The following GARRE1 variants were observed in gnomAD, a reference collection of about 807,000 sequenced individuals.
GARRE1 encodes granule associated Rac and RHOG effector 1.
A neutral mutation model predicts 103.2 loss-of-function variants in GARRE1; 49 were observed. The observed-to-expected ratio is 0.47, with a 90% CI of 0.38 to 0.60. The LOEUF is 0.60. Ranked by LOEUF, GARRE1 falls within the 20% of genes least tolerant of loss-of-function variation. The pLI, the probability that GARRE1 is intolerant of heterozygous loss-of-function variation, is 0.00. For missense variants in GARRE1, 1,199 were observed against 1,370.5 expected (o/e 0.87, Z 1.98); for synonymous variants, 505 against 532.8 (o/e 0.95, Z 0.72).
intron 1 of GARRE1, among the ~76,000 whole-genome samples, chr19:34,276,055 T>G (rs779222851): frequency 3.9e-5 from 6 of 152,192 alleles, no homozygotes; most frequent in Non-Finnish European, 5.9e-5. Context: ...TTGTTTTTTT[T>G]TCTTTAGAGA....
intron 12 of GARRE1, 22 bp downstream of exon 12, chr19:34,349,175 A>G: frequency 2.5e-6 from 4 of 1,610,052 alleles, no homozygotes; most frequent in Non-Finnish European, 1.7e-6. Flanking sequence ...TTTCTAAACC[A>G]AGGTGGGGAG....
intron 1 of GARRE1, among the ~76,000 whole-genome samples, chr19:34,266,679 T>A (rs2073753641): frequency 6.6e-6 from 1 of 152,164 alleles, no homozygotes. Flanking sequence ...GAAGGTTTGC[T>A]GGGTATGCAA....
chr19:34,307,744 AC>A (rs2074016137), intron 2 of GARRE1, among the ~76,000 whole-genome samples: 1 of 139,676 alleles, frequency 7.2e-6, no homozygotes, highest in East Asian at 2.0e-4. Context: ...ACTTATATAT[AC>A]TATATATACA....
chr19:34,354,211 T>G lies in GARRE1; in HGVS notation c.*1256T>G, dbSNP rs1471466901. 1 of 152,370 alleles carries G rather than the reference T, an allele frequency of 6.6e-6. No individual in the cohort carries two copies. Among genetic ancestry groups the G allele is most frequent in the African/African-American group, 2.4e-5 (1 of 41,458 alleles). The allele number at this position is 152,370 out of a possible 1,614,324, so 9.4% of individuals were successfully genotyped here. A position where few individuals can be genotyped will look rare whatever the true frequency, so the allele number is the denominator to read the frequency against. Reference sequence around the variant, plus strand: ...TTCTGGTATGAAAGTTTGACAGTATTAATATTTTTTTTATATTTTCTTAAA... The same window carrying G: ...TTCTGGTATGAAAGTTTGACAGTATGAATATTTTTTTTATATTTTCTTAAA... On this transcript the variant is annotated 3_prime_UTR_variant, in exon 14 of 14. Coordinates refer to ENST00000299505, the MANE Select transcript of GARRE1 (RefSeq NM_014686.5).
At chr19:34,348,126 G>C in intron 11 of GARRE1, 84 bp downstream of exon 11, 1 of 1,200,174 alleles carries the variant, frequency 8.3e-7, no homozygotes, top group Non-Finnish European at 1.1e-6. Context: ...CTCCTTGCCT[G>C]TGTGCATTCT....
chr19:34,308,270 G>T (rs2145249340), intron 2 of GARRE1, among the ~76,000 whole-genome samples: 1 of 141,626 alleles, frequency 7.1e-6, no homozygotes, highest in South Asian at 2.2e-4. Flanking sequence ...TGCCCTAAAG[G>T]TAAAAGTAAG....
In GARRE1 at chr19:34,337,425, A is replaced by T. The variant is rs141865094; in HGVS notation, c.1362-2442A>T. On this transcript the variant is annotated intron_variant, in intron 8 of 13. Transcript: ENST00000299505. ...TTCGGGGGAGACTTTTAGACGAGTCAGTCTGGAAGAGGGTCTGAGGATGTG... is the reference window on the plus strand; with the variant it reads ...TTCGGGGGAGACTTTTAGACGAGTCTGTCTGGAAGAGGGTCTGAGGATGTG... Among the ~76,000 whole-genome samples, 66 of 152,304 alleles carry T rather than the reference A, an allele frequency of 4.3e-4. No individual in the cohort carries two copies. The East Asian group carries it at 0.011, about 26-fold the overall frequency.
At chr19:34,282,220 C>T (rs1240233306) in intron 1 of GARRE1, among the ~76,000 whole-genome samples, 8 of 149,610 alleles carry the variant, frequency 5.3e-5, no homozygotes, top group Non-Finnish European at 7.5e-5. Context: ...AGTGCGATCT[C>T]GGCTCACTGC....
At chr19:34,309,645 A>G (rs1188773775) in intron 2 of GARRE1, among the ~76,000 whole-genome samples, 2 of 152,064 alleles carry the variant, frequency 1.3e-5, no homozygotes, top group Non-Finnish European at 2.9e-5. Context: ...TGGCCATAGG[A>G]TTGAAGTGTT....
At position 34,354,191 on chromosome 19, in the gene GARRE1, G is replaced by A. The variant is rs2074257048; in HGVS notation, c.*1236G>A. 1 of 152,124 alleles carries A rather than the reference G, an allele frequency of 6.6e-6. No individual in the cohort carries two copies. The highest frequency in any genetic ancestry group is 1.5e-5 in the Non-Finnish European group (1 of 67,970). The allele number at this position is 152,124 out of a possible 1,614,324, so 9.4% of individuals were successfully genotyped here. A position where few individuals can be genotyped will look rare whatever the true frequency, so the allele number is the denominator to read the frequency against. On this transcript the variant is annotated 3_prime_UTR_variant, in exon 14 of 14. Transcript: ENST00000299505. ...TGAGAAAAATCCATAATATTTTCTG[G>A]TATGAAAGTTTGACAGTATTAATAT...
chr19:34,259,202 T>C (rs1467708690), intron 1 of GARRE1, among the ~76,000 whole-genome samples: 1 of 152,170 alleles, frequency 6.6e-6, no homozygotes, highest in Non-Finnish European at 1.5e-5. Flanking sequence ...TAAATAAATA[T>C]CACTTATCAA....
At chr19:34,352,380 C>T (rs949515412) in intron 13 of GARRE1, among the ~76,000 whole-genome samples, 6 of 146,612 alleles carry the variant, frequency 4.1e-5, no homozygotes, top group African/African-American at 1.3e-4. Context: ...CCAGCCTGGG[C>T]GAGAGACAGA....
At chr19:34,314,474 T>G (rs2074051150) in intron 2 of GARRE1, among the ~76,000 whole-genome samples, 1 of 152,192 alleles carries the variant, frequency 6.6e-6, no homozygotes. Context: ...CCCCCTGATT[T>G]ATTGATGGTG....
chr19:34,327,559 C>A lies in GARRE1; in HGVS notation c.844C>A (p.Gln282Lys), dbSNP rs1296693242. Reference sequence around the variant, plus strand: ...GAACATAAAAATCGACAGTGCTTTGCAAGTAAGTTTTTCAGAACTGACATA... The same window carrying A: ...GAACATAAAAATCGACAGTGCTTTGAAAGTAAGTTTTTCAGAACTGACATA... ...ELNIKIDSAL[Q>K]AYKIALESLG... is the part of the protein sequence containing the mutation. Residue 282 changes from glutamine (Q) to lysine (K), a missense_variant and splice_region_variant, in exon 4 of 14, where the codon CAA (glutamine) becomes AAA (lysine). Coordinates refer to ENST00000299505, the MANE Select transcript of GARRE1 (RefSeq NM_014686.5). 1 of 1,613,480 alleles carries A rather than the reference C, an allele frequency of 6.2e-7. No homozygotes were observed. Among genetic ancestry groups the A allele is most frequent in the Non-Finnish European group, 8.5e-7 (1 of 1,179,850 alleles).
At chr19:34,347,446 C>T (rs1032668147) in intron 10 of GARRE1, among the ~76,000 whole-genome samples, 26 of 152,174 alleles carry the variant, frequency 1.7e-4, no homozygotes, top group Non-Finnish European at 2.9e-4. Flanking sequence ...AGGCTAGTCT[C>T]GAACTTCTGG....
chr19:34,304,941 G>A (rs1024170256), intron 2 of GARRE1, among the ~76,000 whole-genome samples: 9 of 151,852 alleles, frequency 5.9e-5, no homozygotes, highest in South Asian at 2.1e-4. Flanking sequence ...GCAGGCGCCC[G>A]CCACCACGCC....
chr19:34,334,674 G>A (rs1346707269), intron 8 of GARRE1, among the ~76,000 whole-genome samples: 1 of 150,392 alleles, frequency 6.6e-6, no homozygotes, highest in African/African-American at 2.4e-5. Context: ...ACTCCAGCCT[G>A]GGCAATAGAG....
chr19:34,290,637 A>G (rs1158684583), intron 1 of GARRE1, among the ~76,000 whole-genome samples: 3 of 151,948 alleles, frequency 2.0e-5, no homozygotes, highest in African/African-American at 4.8e-5. Context: ...AGCTGGGACT[A>G]TAGGTGACCT....
intron 1 of GARRE1, among the ~76,000 whole-genome samples, chr19:34,275,928 G>C (rs538931568): frequency 6.6e-6 from 1 of 152,332 alleles, no homozygotes; most frequent in South Asian, 2.1e-4. Flanking sequence ...TGGTTGCGAA[G>C]AGGTATCTCA....
Sources: allele counts gnomAD v4.1 joint callset (sites outside exome capture counted in the v4.1 genomes callset), GRCh38; gene constraint gnomAD v4.1.1; transcripts MANE v1.5; gene names NCBI Gene and HGNC (gene_info 2026-07-23, HGNC 2026-07-21).